RBFOX3: variants seen among roughly 807,000 people sequenced by gnomAD.
RBFOX3 encodes RNA binding protein fox-1 homolog 3.
RBFOX3 carries 17 observed loss-of-function variants against 48.7 expected under a neutral mutation model. The ratio of observed to expected loss-of-function variants is 0.35; its 90% CI spans 0.24 to 0.52. RBFOX3 has a LOEUF of 0.52. Ranked by LOEUF, RBFOX3 falls within the 20% of genes least tolerant of loss-of-function variation. RBFOX3 has a pLI of 0.94. For synonymous variants in RBFOX3, 212 were observed against 209.5 expected (o/e 1.01, Z -0.10); for missense variants, 382 against 497.5 (o/e 0.77, Z 2.21).
chr17:79,214,620 A>G lies in RBFOX3; in HGVS notation c.-34+21146T>C, dbSNP rs2058781171. On this transcript the variant is annotated intron_variant, in intron 4 of 14. Transcript: ENST00000693108. This position sits in a 1 kb window ranked among gnomAD's most constrained non-coding sequence, Gnocchi z 4.7. ...CCTCTGTGGCTGTCCAGGGAGAGAGAGGAGGAGCCCAGGCTCCCAGGCAGG... is the reference window on the plus strand; with the variant it reads ...CCTCTGTGGCTGTCCAGGGAGAGAGGGGAGGAGCCCAGGCTCCCAGGCAGG... Among the ~76,000 whole-genome samples, 1 of 151,708 alleles carries G rather than the reference A, an allele frequency of 6.6e-6. No individual in the cohort carries two copies. The highest frequency in any genetic ancestry group is 1.5e-5 in the Non-Finnish European group (1 of 67,910).
chr17:79,527,758 C>T (rs1210051299), intron 1 of RBFOX3, among the ~76,000 whole-genome samples: 5 of 152,274 alleles, frequency 3.3e-5, no homozygotes, highest in East Asian at 1.9e-4. Flanking sequence ...TTTTTGTAAA[C>T]CCAGTTGGTC....
At chr17:79,600,282 GCA>G (rs2093675521) in intron 1 of RBFOX3, 1 of 152,250 alleles carries the variant, frequency 6.6e-6, no homozygotes, top group African/African-American at 2.4e-5. Context: ...TTGTGCATGT[GCA>G]CATACATGCA....
intron 2 of RBFOX3, among the ~76,000 whole-genome samples, chr17:79,463,585 C>T (rs1432222194): frequency 3.5e-5 from 5 of 142,544 alleles, no homozygotes; most frequent in Admixed American, 2.8e-4. Context: ...CCACTGCCAC[C>T]GCCACCTCCA....
At chr17:79,144,323 G>T (rs907770306) in intron 4 of RBFOX3, among the ~76,000 whole-genome samples, 3 of 152,232 alleles carry the variant, frequency 2.0e-5, no homozygotes, top group African/African-American at 7.2e-5. Flanking sequence ...AATGTGCCAA[G>T]ATTTTGCAGG....
chr17:79,263,222 A>T (rs962736936), intron 3 of RBFOX3, among the ~76,000 whole-genome samples: 4 of 152,222 alleles, frequency 2.6e-5, no homozygotes, highest in African/African-American at 9.6e-5. Flanking sequence ...GGAAACACTC[A>T]GGCTAGAGGG....
intron 3 of RBFOX3, among the ~76,000 whole-genome samples, chr17:79,271,300 T>C (rs1193928160): frequency 6.6e-6 from 1 of 152,194 alleles, no homozygotes; most frequent in Admixed American, 6.5e-5. Context: ...GGTCTCGAAT[T>C]CCTGACCTCA....
At chr17:79,487,504 A>G (rs2079805937) in intron 1 of RBFOX3, among the ~76,000 whole-genome samples, 1 of 152,164 alleles carries the variant, frequency 6.6e-6, no homozygotes, top group Non-Finnish European at 1.5e-5. Flanking sequence ...CCTCGTCCTC[A>G]GCCCCCCGTC....
At position 79,277,226 on chromosome 17, in the gene RBFOX3, G is replaced by A. The variant is rs113122909; in HGVS notation, c.-74+30498C>T. Among the ~76,000 whole-genome samples, 519 of 144,854 alleles carry A rather than the reference G, an allele frequency of 3.6e-3. 1 individual carries two copies. Among genetic ancestry groups the A allele is most frequent in the African/African-American group, 0.012 (490 of 39,468 alleles). On this transcript the variant is annotated intron_variant, in intron 3 of 14. Transcript: ENST00000693108. ...TGTACACATGGCACAGCCTGGTTCT[G>A]CCCCACCTGCCTGGCTCTGCCCAGA...
At chr17:79,102,063 A>ACCCCTCCTGGATGATGCC (rs1369855482) in intron 8 of RBFOX3, among the ~76,000 whole-genome samples, 1 of 151,936 alleles carries the variant, frequency 6.6e-6, no homozygotes, top group Non-Finnish European at 1.5e-5. Flanking sequence ...ATGGCCACAT[A>ACCCCTCCTGGATGATGCC]CCCCTCCTGG....
chr17:79,507,422 G>C (rs1206704636), intron 1 of RBFOX3, among the ~76,000 whole-genome samples: 3 of 152,160 alleles, frequency 2.0e-5, no homozygotes, highest in Admixed American at 2.0e-4. Flanking sequence ...GCCACAATGG[G>C]GCTCCTGCTT....
At chr17:79,375,691 T>A (rs1381909890) in intron 2 of RBFOX3, among the ~76,000 whole-genome samples, 1 of 152,096 alleles carries the variant, frequency 6.6e-6, no homozygotes, top group Non-Finnish European at 1.5e-5. Flanking sequence ...TTGGAGGCCA[T>A]AAGGGGCACA....
At chr17:79,435,068 C>T (rs2069142957) in intron 2 of RBFOX3, among the ~76,000 whole-genome samples, 2 of 152,174 alleles carry the variant, frequency 1.3e-5, no homozygotes, top group African/African-American at 4.8e-5. Flanking sequence ...TTTTGTGGCC[C>T]CCAAAGCCTT....
rs972355453 is a variant in RBFOX3 at position 79,311,420 on chromosome 17, C to T, written c.-174-3596G>A. On this transcript the variant is annotated intron_variant, in intron 2 of 14. Transcript: ENST00000693108. The surrounding 1 kb of genome is among the most constrained non-coding windows in gnomAD (Gnocchi z 4.2). The stretch of plus-strand genomic sequence containing the variant: ...TGCACTCCAGCCTGGGTAAGAAGAG[C>T]GAGACTCCATCTCCAAAAAAAAAAA... Among the ~76,000 whole-genome samples, 2 of 121,236 alleles carry T rather than the reference C, an allele frequency of 1.6e-5. No homozygotes were observed. The highest frequency in any genetic ancestry group is 3.3e-4 in the South Asian group (1 of 3,024). The allele number at this position is 121,236 out of a possible 152,430, so 79.5% of individuals were successfully genotyped here.
the RBFOX3 span, among the ~76,000 whole-genome samples, chr17:79,640,864 T>C: frequency 1.1e-4 from 16 of 151,986 alleles, no homozygotes; most frequent in African/African-American, 3.1e-4. Context: ...GAAGAAAACA[T>C]AGGGAAAAAA....
intron 4 of RBFOX3, among the ~76,000 whole-genome samples, chr17:79,175,675 C>G (rs939517882): frequency 6.6e-6 from 1 of 152,260 alleles, no homozygotes; most frequent in African/African-American, 2.4e-5. Context: ...ATGCTTGAAG[C>G]TGACTCACCA....
intron 1 of RBFOX3, among the ~76,000 whole-genome samples, chr17:79,588,479 T>C: frequency 6.6e-6 from 1 of 152,088 alleles, no homozygotes; most frequent in Non-Finnish European, 1.5e-5. Flanking sequence ...TAAATAGTAG[T>C]TGACCAAGGT....
At chr17:79,104,924 A>AGGTGACCTGAACCCAGGCCCTGC (rs145030495) in intron 6 of RBFOX3, among the ~76,000 whole-genome samples, 1 of 152,010 alleles carries the variant, frequency 6.6e-6, no homozygotes, top group Non-Finnish European at 1.5e-5. Context: ...GTGCTGAGCA[A>AGGTGACCTGAACCCAGGCCCTGC]CTGTTCAGGT....
chr17:79,614,578 C>T (rs945807542), upstream of RBFOX3, among the ~76,000 whole-genome samples: 3 of 152,066 alleles, frequency 2.0e-5, no homozygotes, highest in East Asian at 1.9e-4. Flanking sequence ...GGGCCGACTT[C>T]GAGGAAACAG....
intron 3 of RBFOX3, among the ~76,000 whole-genome samples, chr17:79,236,835 T>C (rs16972184): frequency 0.076 from 11,497 of 152,216 alleles, 1,176 homozygotes; most frequent in African/African-American, 0.23. Flanking sequence ...TAGTAGGTCA[T>C]TGAGGAGTTC....
Sources: gnomAD v4.1 joint callset for allele counts (sites outside exome capture counted in the v4.1 genomes callset) on GRCh38, gnomAD v4.1.1 for gene constraint, Gnocchi (gnomAD v3.1) non-coding constraint, MANE v1.5 for transcripts, NCBI Gene and HGNC (gene_info 2026-07-23, HGNC 2026-07-21) for gene names.